Variants in DPP10 observed in about 807,000 individuals in gnomAD.
DPP10 encodes the protein dipeptidyl peptidase like 10.
Under a neutral mutation model 120.9 loss-of-function variants are expected in DPP10, and 33 were observed. That is an observed-to-expected ratio of 0.27 (90% CI 0.21 to 0.37). DPP10 has a LOEUF of 0.37. Among genes scored for constraint, DPP10 ranks in the 10% least tolerant of loss-of-function variants. The pLI is 1.00. For missense variants in DPP10, 816 were observed against 942.8 expected (o/e 0.87, Z 1.76); for synonymous variants, 337 against 326.1 (o/e 1.03, Z -0.36).
Position 114,472,144 on chromosome 2 carries a change from A to G in DPP10, c.60+29306A>G, listed in dbSNP as rs1437325953. On this transcript the variant is annotated intron_variant, in intron 1 of 25. Transcript: ENST00000410059. Reference sequence around the variant, plus strand: ...AGAGATTGGTCCATGTGATTAGGCTATCTGGGTTTGCTAACTAGTGTTCAC... The same window carrying G: ...AGAGATTGGTCCATGTGATTAGGCTGTCTGGGTTTGCTAACTAGTGTTCAC... 2.6e-5 allele frequency among the ~76,000 whole-genome samples: 4 copies of G among 152,220 alleles called. No homozygotes were observed. The South Asian group carries it at 6.2e-4, about 24-fold the overall frequency.
intron 3 of DPP10, among the ~76,000 whole-genome samples, chr2:115,432,055 C>T (rs1180283299): frequency 1.3e-5 from 2 of 152,014 alleles, no homozygotes; most frequent in African/African-American, 2.4e-5. Flanking sequence ...ATAAATTACC[C>T]ATACTCCAGA....
At chr2:114,844,733 A>G (rs959977177) in intron 1 of DPP10, among the ~76,000 whole-genome samples, 3 of 151,644 alleles carry the variant, frequency 2.0e-5, no homozygotes, top group Non-Finnish European at 4.4e-5. Context: ...AGCTTCATAG[A>G]TATATACTAT....
chr2:115,836,817 G>C, intron 24 of DPP10, 71 bp downstream of exon 24: 1 of 1,417,188 alleles, frequency 7.1e-7, no homozygotes, highest in Non-Finnish European at 9.6e-7. Flanking sequence ...CTAAGGACTT[G>C]CTTACAGGAA....
At chr2:114,512,861 G>C (rs1438193450) in intron 1 of DPP10, among the ~76,000 whole-genome samples, 1 of 152,194 alleles carries the variant, frequency 6.6e-6, no homozygotes, top group Non-Finnish European at 1.5e-5. Context: ...TCCTGTTGAG[G>C]AATGCCTGCA....
intron 1 of DPP10, among the ~76,000 whole-genome samples, chr2:114,700,612 G>A (rs770976454): frequency 6.6e-6 from 1 of 152,012 alleles, no homozygotes; most frequent in Non-Finnish European, 1.5e-5. Context: ...CCTACACCAT[G>A]TCATGCCTCG....
intron 3 of DPP10, among the ~76,000 whole-genome samples, chr2:115,471,037 GTT>G (rs1019394954): frequency 6.6e-6 from 1 of 151,744 alleles, no homozygotes; most frequent in African/African-American, 2.4e-5. Context: ...TATCTTATGA[GTT>G]TTTTTTGTCT....
intron 1 of DPP10, among the ~76,000 whole-genome samples, chr2:115,138,947 T>G (rs1395210508): frequency 6.6e-6 from 1 of 152,142 alleles, no homozygotes; most frequent in Non-Finnish European, 1.5e-5. Context: ...AAATTGTCAA[T>G]AACTTCCAGG....
At chr2:115,271,632 C>T (rs1300739699) in intron 1 of DPP10, among the ~76,000 whole-genome samples, 1 of 152,018 alleles carries the variant, frequency 6.6e-6, no homozygotes, top group Non-Finnish European at 1.5e-5. Context: ...ACTAGAATTT[C>T]AAAATCTATT....
At chr2:114,499,986 G>T (rs1683017634) in intron 1 of DPP10, among the ~76,000 whole-genome samples, 1 of 152,166 alleles carries the variant, frequency 6.6e-6, no homozygotes, top group Non-Finnish European at 1.5e-5. Flanking sequence ...TTCATCTGTT[G>T]TCACCTCCTC....
At chr2:114,858,809 A>G (rs1296919882) in intron 1 of DPP10, among the ~76,000 whole-genome samples, 5 of 152,108 alleles carry the variant, frequency 3.3e-5, no homozygotes, top group Admixed American at 6.5e-5. Context: ...GTGCTTTTTA[A>G]TATTTACATT....
intron 1 of DPP10, among the ~76,000 whole-genome samples, chr2:114,767,065 T>C (rs1680768932): frequency 6.7e-6 from 1 of 148,948 alleles, no homozygotes; most frequent in Admixed American, 6.7e-5. Flanking sequence ...AGTACTTTTG[T>C]TGCAACTTCC....
At chr2:115,625,185 G>C (rs2085263495) in intron 5 of DPP10, among the ~76,000 whole-genome samples, 1 of 152,118 alleles carries the variant, frequency 6.6e-6, no homozygotes, top group South Asian at 2.1e-4. Flanking sequence ...AGGTGATGTG[G>C]TAAACCTAAT....
chr2:115,049,767 C>T (rs183899525), intron 1 of DPP10, among the ~76,000 whole-genome samples: 32 of 152,222 alleles, frequency 2.1e-4, no homozygotes, highest in African/African-American at 7.0e-4. Context: ...TAGTTTTAAC[C>T]GACAATTTAG....
intron 1 of DPP10, among the ~76,000 whole-genome samples, chr2:115,232,807 T>C (rs1016898626): frequency 3.9e-5 from 6 of 152,242 alleles, no homozygotes. Context: ...TAACAGCTGC[T>C]GTTTATTCAG....
At chr2:114,799,738 G>T in intron 1 of DPP10, among the ~76,000 whole-genome samples, 1 of 152,186 alleles carries the variant, frequency 6.6e-6, no homozygotes, top group East Asian at 1.9e-4. Flanking sequence ...CTCACTTTGA[G>T]TTGGATGTCC....
At chr2:115,482,285 A>ATT (rs1009185927) in intron 3 of DPP10, among the ~76,000 whole-genome samples, 21 of 143,176 alleles carry the variant, frequency 1.5e-4, no homozygotes, top group African/African-American at 5.1e-4. Context: ...ATGTTATAAG[A>ATT]TTATATATAT....
chr2:114,984,340 G>A (rs551850812), intron 1 of DPP10, among the ~76,000 whole-genome samples: 14 of 152,160 alleles, frequency 9.2e-5, no homozygotes, highest in Admixed American at 3.9e-4. Flanking sequence ...GGGCAAATTC[G>A]CGACTGCCGC....
In DPP10 at chr2:115,213,177, T is replaced by TA. The variant is rs1027580491; in HGVS notation, c.61-96061dup. On this transcript the variant is annotated intron_variant, in intron 1 of 25. Coordinates refer to ENST00000410059, the MANE Select transcript of DPP10 (RefSeq NM_020868.6). ...GGACTCACTGGAGATAGCTGGGGTGTATATCTCCCCTTGCCCTAGGAGGAT... is the reference window on the plus strand; with the variant it reads ...GGACTCACTGGAGATAGCTGGGGTGTAATATCTCCCCTTGCCCTAGGAGGAT... Among the ~76,000 whole-genome samples the TA allele has an allele frequency of 2.4e-4, 37 of 152,170 alleles. 1 individual carries two copies. Among genetic ancestry groups the TA allele is most frequent in the African/African-American group, 8.7e-4 (36 of 41,446 alleles).
At chr2:114,654,803 T>A (rs80308672) in intron 1 of DPP10, among the ~76,000 whole-genome samples, 1,601 of 152,192 alleles carry the variant, frequency 0.011, 27 homozygotes, top group African/African-American at 0.036. Flanking sequence ...TGGATGTAGT[T>A]AAACATGGAA....
Sources: gnomAD v4.1 joint callset for allele counts (sites outside exome capture counted in the v4.1 genomes callset) on GRCh38, gnomAD v4.1.1 for gene constraint, MANE v1.5 for transcripts, NCBI Gene and HGNC (gene_info 2026-07-23, HGNC 2026-07-21) for gene names.